The following ACYP2 variants were observed in gnomAD, a reference collection of about 807,000 sequenced individuals.
ACYP2 encodes the protein acylphosphatase-2.
ACYP2 carries 12 observed loss-of-function variants against 11.2 expected under a neutral mutation model. The observed-to-expected ratio is 1.08, with a 90% confidence interval of 0.69 to 1.74. The LOEUF (loss-of-function observed/expected upper bound fraction) is 1.74. ACYP2 is among the 40% of genes most tolerant of loss of function. The pLI is 0.00. For synonymous variants in ACYP2, 43 were observed against 32.2 expected (o/e 1.33, Z -1.13); for missense variants, 134 against 101.9 (o/e 1.31, Z -1.35).
rs908086271 is a variant in ACYP2 at position 54,145,123 on chromosome 2, T to A, written c.404+6375T>A. ...TGAACTAATACTGTAACTAATGGGATTCTGAGTTTGTGTTTGTAAAATTCC... is the reference window on the plus strand; with the variant it reads ...TGAACTAATACTGTAACTAATGGGAATCTGAGTTTGTGTTTGTAAAATTCC... On this transcript the variant is annotated intron_variant, in intron 6 of 6. Transcript: ENST00000607452. Among the ~76,000 whole-genome samples, 22 of 152,308 alleles carry A rather than the reference T, an allele frequency of 1.4e-4. 1 individual carries two copies. In the East Asian group the frequency reaches 4.2e-3, roughly 29 times the overall value.
At chr2:54,109,305 C>A (rs1318889731) in intron 4 of ACYP2, among the ~76,000 whole-genome samples, 1 of 151,992 alleles carries the variant, frequency 6.6e-6, no homozygotes, top group African/African-American at 2.4e-5. Flanking sequence ...TGAAGTAACC[C>A]AGGAATAGAA....
chr2:54,108,787 A>T (rs924611011), intron 4 of ACYP2, among the ~76,000 whole-genome samples: 1 of 152,176 alleles, frequency 6.6e-6, no homozygotes, highest in Non-Finnish European at 1.5e-5. Flanking sequence ...CTGATGTAAT[A>T]TTAACTTTAC....
rs1687991462 is a variant in ACYP2, at chr2:54,265,808, G to T, written c.405-38880G>T. On this transcript the variant is annotated intron_variant, in intron 6 of 6. Transcript: ENST00000607452. ...TATCTGTAAAACTGACATAATAATA[G>T]TGCCTACCTCCCAGAATTGTTGTGA... Among the ~76,000 whole-genome samples the T allele has an allele frequency of 2.0e-5, 3 of 152,146 alleles. No individual in the cohort carries two copies. The South Asian group carries it at 6.2e-4, about 32-fold the overall frequency.
At chr2:54,200,824 C>G (rs1337791128) in intron 6 of ACYP2, among the ~76,000 whole-genome samples, 1 of 152,172 alleles carries the variant, frequency 6.6e-6, no homozygotes, top group Non-Finnish European at 1.5e-5. Flanking sequence ...TTTTGAGGAA[C>G]TGCCAGGCTG....
chr2:54,075,548 C>T (rs1382074222), intron 4 of ACYP2, among the ~76,000 whole-genome samples: 1 of 150,626 alleles, frequency 6.6e-6, no homozygotes, highest in East Asian at 1.9e-4. Flanking sequence ...CACGGTGGTT[C>T]ATGCTTGTAA....
At chr2:54,219,119 A>G (rs1322862514) in intron 6 of ACYP2, among the ~76,000 whole-genome samples, 5 of 152,236 alleles carry the variant, frequency 3.3e-5, no homozygotes, top group Non-Finnish European at 1.5e-5. Flanking sequence ...ACAATTTTGT[A>G]ATAAATTCCA....
At chr2:54,180,849 C>A (rs1246067891) in intron 6 of ACYP2, among the ~76,000 whole-genome samples, 1 of 152,174 alleles carries the variant, frequency 6.6e-6, no homozygotes, top group Non-Finnish European at 1.5e-5. Context: ...ACCACTGCGC[C>A]CAGCCCAAAT....
intron 2 of ACYP2, among the ~76,000 whole-genome samples, chr2:53,992,737 A>T (rs1672361135): frequency 6.6e-6 from 1 of 151,486 alleles, no homozygotes; most frequent in African/African-American, 2.4e-5. Context: ...AGGCTGTGGC[A>T]GGATAATCAC....
intron 6 of ACYP2, among the ~76,000 whole-genome samples, chr2:54,271,959 C>G (rs1037960194): frequency 2.6e-5 from 4 of 152,062 alleles, no homozygotes; most frequent in Admixed American, 2.6e-4. Context: ...TCTGTTGTCA[C>G]GAAGTGAATG....
At chr2:54,128,527 C>T (rs770424836) in intron 4 of ACYP2, among the ~76,000 whole-genome samples, 13 of 152,032 alleles carry the variant, frequency 8.6e-5, no homozygotes, top group Non-Finnish European at 1.6e-4. Flanking sequence ...ACTATCCAGA[C>T]GTGGTGGTGT....
intron 6 of ACYP2, among the ~76,000 whole-genome samples, chr2:54,236,564 A>AT (rs1686487644): frequency 6.6e-6 from 1 of 152,182 alleles, no homozygotes; most frequent in African/African-American, 2.4e-5. Flanking sequence ...TTTGTTTTGT[A>AT]TAAATTCAAT....
intron 2 of ACYP2, among the ~76,000 whole-genome samples, chr2:54,015,945 G>GAGCCACTGTGCCTGGCCA: frequency 6.6e-6 from 1 of 151,890 alleles, no homozygotes. Context: ...GATTATGGCT[G>GAGCCACTGTGCCTGGCCA]GGAGATACCA....
chr2:54,249,748 T>G (rs925404520), intron 6 of ACYP2, among the ~76,000 whole-genome samples: 1 of 151,880 alleles, frequency 6.6e-6, no homozygotes, highest in Non-Finnish European at 1.5e-5. Flanking sequence ...CAAGATGAGC[T>G]TGGGCAACAC....
intron 4 of ACYP2, among the ~76,000 whole-genome samples, chr2:54,095,615 A>AC (rs903993549): frequency 1.5e-4 from 18 of 121,930 alleles, no homozygotes; most frequent in South Asian, 8.3e-4. Context: ...TGGGGGGCTG[A>AC]CCCCCCCACC....
intron 6 of ACYP2, among the ~76,000 whole-genome samples, chr2:54,278,716 C>A (rs940608352): frequency 6.6e-6 from 1 of 152,180 alleles, no homozygotes; most frequent in South Asian, 2.1e-4. Context: ...CCATAAAAAT[C>A]AATTTGGCTT....
In ACYP2 at chr2:54,286,814, A is replaced by G. The variant is rs184626219; in HGVS notation, c.405-17874A>G. Among the ~76,000 whole-genome samples the G allele has an allele frequency of 7.6e-4, 115 of 152,186 alleles. 2 individuals carry two copies. Among genetic ancestry groups the G allele is most frequent in the African/African-American group, 2.6e-3 (108 of 41,428 alleles). On this transcript the variant is annotated intron_variant, in intron 6 of 6. Coordinates refer to ENST00000607452, the MANE Select transcript of ACYP2 (RefSeq NM_001320586.2). ...CAAAGACAGGCCTAAAACAAAATAC[A>G]GCCTTCTCAATACATAAAATCATAT...
intron 6 of ACYP2, among the ~76,000 whole-genome samples, chr2:54,258,378 G>A (rs1047018983): frequency 9.2e-5 from 14 of 152,296 alleles, no homozygotes; most frequent in African/African-American, 3.4e-4. Flanking sequence ...GCTAAGCAGA[G>A]GCACTAAGAC....
Position 53,994,049 on chromosome 2 carries a change from G to A in ACYP2, c.62+20239G>A, listed in dbSNP as rs564517304. Reference sequence around the variant, plus strand: ...AAATCGTACAAAATATTAGCCAGGCGGCTGGGCGTAGTGGCTCACGCCTGT... The same window carrying A: ...AAATCGTACAAAATATTAGCCAGGCAGCTGGGCGTAGTGGCTCACGCCTGT... On this transcript the variant is annotated intron_variant, in intron 2 of 6. Transcript: ENST00000607452. 3.9e-5 allele frequency among the ~76,000 whole-genome samples: 6 copies of A among 152,072 alleles called. No individual in the cohort carries two copies. The South Asian group carries it at 6.3e-4, about 16-fold the overall frequency.
intron 6 of ACYP2, among the ~76,000 whole-genome samples, chr2:54,205,561 A>G (rs747023739): frequency 2.6e-5 from 4 of 152,182 alleles, no homozygotes; most frequent in African/African-American, 2.4e-5. Flanking sequence ...CAGCAGTCAC[A>G]TCCTGTTGCT....
Sources: gnomAD v4.1 joint callset for allele counts (sites outside exome capture counted in the v4.1 genomes callset) on GRCh38, gnomAD v4.1.1 for gene constraint, MANE v1.5 for transcripts, NCBI Gene and HGNC (gene_info 2026-07-23, HGNC 2026-07-21) for gene names.